The following NBEA variants were observed in gnomAD, a reference collection of about 807,000 sequenced individuals.
The protein encoded by NBEA is lysosomal-trafficking regulator 2.
Under a neutral mutation model 343.4 loss-of-function variants are expected in NBEA, and 44 were observed. That is an observed-to-expected ratio of 0.13 (90% CI 0.10 to 0.16). NBEA has a LOEUF of 0.16. Among genes scored for constraint, NBEA ranks in the 10% least tolerant of loss-of-function variants. NBEA has a pLI of 1.00. For synonymous variants in NBEA, 1,175 were observed against 1,238.7 expected, an observed-to-expected ratio of 0.95 and a Z score of 1.08; for missense variants, 2,555 against 3,631.3, an observed-to-expected ratio of 0.70 and a Z score of 7.62.
chr13:35,156,780 T>C (rs940417976), intron 20 of NBEA, among the ~76,000 whole-genome samples: 4 of 152,178 alleles, frequency 2.6e-5, no homozygotes, highest in Non-Finnish European at 5.9e-5. Flanking sequence ...CAATGATTAA[T>C]GTATAATGTG....
intron 1 of NBEA, among the ~76,000 whole-genome samples, chr13:35,007,180 T>C (rs1223052402): frequency 1.3e-5 from 2 of 152,154 alleles, no homozygotes; most frequent in Admixed American, 1.3e-4. Flanking sequence ...TGTTTGTAAT[T>C]CTGTGTTCAA....
At chr13:35,007,458 TG>T (rs2061355376) in intron 1 of NBEA, among the ~76,000 whole-genome samples, 1 of 152,172 alleles carries the variant, frequency 6.6e-6, no homozygotes, top group South Asian at 2.1e-4. Context: ...TACTCTTCTA[TG>T]GTTTTTTGTT....
chr13:35,064,710 G>A (rs373443791), intron 8 of NBEA, among the ~76,000 whole-genome samples: 4 of 151,684 alleles, frequency 2.6e-5, no homozygotes, highest in Non-Finnish European at 4.4e-5. Flanking sequence ...TGGTTATTGG[G>A]CCCTAATCCA....
chr13:35,119,678 C>T (rs1399731625), intron 16 of NBEA, among the ~76,000 whole-genome samples: 3 of 152,064 alleles, frequency 2.0e-5, no homozygotes, highest in Non-Finnish European at 4.4e-5. Flanking sequence ...CTCCACTTCC[C>T]GGGTTCACGC....
At chr13:35,312,645 A>G (rs1263960807) in intron 36 of NBEA, among the ~76,000 whole-genome samples, 2 of 152,188 alleles carry the variant, frequency 1.3e-5, no homozygotes, top group Non-Finnish European at 2.9e-5. Context: ...ATCTTGTTGA[A>G]GAATATGGTG....
At chr13:35,322,162 A>G (rs1011201135) in intron 36 of NBEA, among the ~76,000 whole-genome samples, 2 of 152,078 alleles carry the variant, frequency 1.3e-5, no homozygotes, top group African/African-American at 4.8e-5. Context: ...AAACTCCTGC[A>G]GCTAGCTCAG....
intron 1 of NBEA, among the ~76,000 whole-genome samples, chr13:35,017,745 C>G (rs183127745): frequency 1.3e-5 from 2 of 152,060 alleles, no homozygotes; most frequent in East Asian, 3.9e-4. Context: ...TCTTCAGGCT[C>G]CGGTTTGTCT....
In NBEA at chr13:35,069,972, A is replaced by G. The variant is rs2063804057; in HGVS notation, c.1304A>G (p.Tyr435Cys). Residue 435 changes from tyrosine (Y) to cysteine (C), a missense_variant, in exon 9 of 59, where the codon TAT becomes TGT. Tyr to Cys is a radical substitution (Grantham distance 194, BLOSUM62 -2). Around this residue, in one of 21 missense-constraint regions of NBEA, gnomAD observed 75 missense variants for 237.4 expected, o/e 0.32. Transcript: ENST00000379939. ...GCAGAACATCATAAACAGGTGTTAT[A>G]TGATGGGAAACTTGCAAGTAGCATT... is the stretch of plus-strand genomic sequence containing the variant. ...HLAEHHKQVL[Y>C]DGKLASSIAF... The G allele has an allele frequency of 6.2e-7, 1 of 1,605,640 alleles. No individual in the cohort carries two copies. The highest frequency in any genetic ancestry group is 8.5e-7 in the Non-Finnish European group (1 of 1,176,312).
At chr13:35,153,016 TTTTTAAACTTACA>T (rs941663756) in intron 18 of NBEA, among the ~76,000 whole-genome samples, 1 of 151,482 alleles carries the variant, frequency 6.6e-6, no homozygotes, top group Non-Finnish European at 1.5e-5. Context: ...CCTTTCTCCC[TTTTTAAACTTACA>T]TAGGTTCTTT....
chr13:35,636,704 C>G (rs759728601), intron 49 of NBEA, among the ~76,000 whole-genome samples: 2 of 152,120 alleles, frequency 1.3e-5, no homozygotes, highest in Non-Finnish European at 2.9e-5. Flanking sequence ...GAAAATTTGG[C>G]AGGGATGTCA....
At chr13:35,536,616 TG>T (rs2078558420) in intron 41 of NBEA, among the ~76,000 whole-genome samples, 1 of 151,774 alleles carries the variant, frequency 6.6e-6, no homozygotes, top group Non-Finnish European at 1.5e-5. Flanking sequence ...TAACAGACAC[TG>T]TAAACTGGCT....
At chr13:35,570,765 A>G (rs1229890631) in intron 45 of NBEA, among the ~76,000 whole-genome samples, 1 of 152,200 alleles carries the variant, frequency 6.6e-6, no homozygotes, top group African/African-American at 2.4e-5. Flanking sequence ...TATCCTGTAT[A>G]AAATCCATCA....
chr13:34,976,042 C>G (rs1030840868), intron 1 of NBEA, among the ~76,000 whole-genome samples: 2 of 152,152 alleles, frequency 1.3e-5, no homozygotes, highest in Non-Finnish European at 2.9e-5. Context: ...AAAAGTAGAT[C>G]TACCCTTTGA....
chr13:35,206,899 G>A (rs913962419), intron 31 of NBEA, among the ~76,000 whole-genome samples: 3 of 151,904 alleles, frequency 2.0e-5, no homozygotes, highest in African/African-American at 7.2e-5. Flanking sequence ...TGAAATAAAC[G>A]AAGGCATTAG....
chr13:35,624,710 G>A (rs1003338015), intron 48 of NBEA, among the ~76,000 whole-genome samples: 2 of 151,702 alleles, frequency 1.3e-5, no homozygotes, highest in Non-Finnish European at 2.9e-5. Context: ...ACACACATAC[G>A]TTGACATGAT....
chr13:35,293,082 T>C (rs1211025140), intron 35 of NBEA, among the ~76,000 whole-genome samples: 1 of 151,994 alleles, frequency 6.6e-6, no homozygotes, highest in African/African-American at 2.4e-5. Flanking sequence ...TTCTTTCTTA[T>C]CTGAGCTCCT....
chr13:35,099,299 C>T (rs2065512669), intron 11 of NBEA, among the ~76,000 whole-genome samples: 1 of 147,240 alleles, frequency 6.8e-6, no homozygotes, highest in Non-Finnish European at 1.5e-5. Flanking sequence ...CCCAGGTTCA[C>T]GCCATTCTCC....
At chr13:34,971,407 A>G (rs904790971) in intron 1 of NBEA, among the ~76,000 whole-genome samples, 1 of 151,692 alleles carries the variant, frequency 6.6e-6, no homozygotes, top group African/African-American at 2.4e-5. Context: ...GGAGGGGTGA[A>G]AGAGGGCATC....
intron 29 of NBEA, among the ~76,000 whole-genome samples, chr13:35,183,393 T>G (rs1490443282): frequency 6.6e-6 from 1 of 152,018 alleles, no homozygotes; most frequent in Non-Finnish European, 1.5e-5. Context: ...AATGGATATT[T>G]CAAAAAGTGA....
Sources: allele counts gnomAD v4.1 joint callset (sites outside exome capture counted in the v4.1 genomes callset), GRCh38; gene constraint gnomAD v4.1.1; regional missense constraint gnomAD v4.1.1; transcripts MANE v1.5; gene names NCBI Gene and HGNC (gene_info 2026-07-23, HGNC 2026-07-21).